The following TCF4 variants were observed in gnomAD, a reference collection of about 807,000 sequenced individuals.
TCF4 encodes transcription factor 4.
TCF4 carries 3 observed loss-of-function variants against 82.1 expected under a neutral mutation model. The observed-to-expected ratio is 0.04, with a 90% confidence interval of 0.02 to 0.09. The LOEUF (loss-of-function observed/expected upper bound fraction) is 0.09, where lower values mean the gene tolerates loss of function less well. Ranked by LOEUF, TCF4 falls within the 10% of genes least tolerant of loss-of-function variation. The pLI is 1.00. For missense variants in TCF4, 518 were observed against 852.7 expected, an observed-to-expected ratio of 0.61 and a Z score of 4.89; for synonymous variants, 276 against 309.6, an observed-to-expected ratio of 0.89 and a Z score of 1.14.
chr18:55,230,148 C>CAAAAAAA, intron 17 of TCF4: 1 of 103,288 alleles, frequency 9.7e-6, no homozygotes, highest in Non-Finnish European at 1.8e-5. Context: ...CTGTCTCTTA[C>CAAAAAAA]AAAAAAAAAA....
chr18:55,635,953 A>G, exon 1 of TCF4: 1 of 1,584,318 alleles, frequency 6.3e-7, no homozygotes, highest in East Asian at 2.3e-5. Flanking sequence ...GATACTGTAG[A>G]CATCAAGAGA....
At chr18:55,536,631 A>T (rs1399383382) in intron 3 of TCF4, among the ~76,000 whole-genome samples, 2 of 152,248 alleles carry the variant, frequency 1.3e-5, no homozygotes, top group African/African-American at 4.8e-5. Context: ...GCTGTATTCA[A>T]ACCATATTAT....
chr18:55,225,451 A>G lies in TCF4; in HGVS notation c.*2584T>C, dbSNP rs145683381. The stretch of plus-strand genomic sequence containing the variant: ...TCTTAAAATGTACATCAATGCAGGG[A>G]GTGTTTCCAGTTCCCTAAAGAGTAA... On this transcript the variant is annotated 3_prime_UTR_variant, in exon 20 of 20. Transcript: ENST00000354452. 1 of 152,688 alleles carries G rather than the reference A, an allele frequency of 6.5e-6. No individual in the cohort carries two copies. The highest frequency in any genetic ancestry group is 1.9e-4 in the East Asian group (1 of 5,190). The allele number at this position is 152,688 out of a possible 1,614,324, so 9.5% of individuals were successfully genotyped here.
chr18:55,566,009 G>A (rs1259998954), intron 3 of TCF4, among the ~76,000 whole-genome samples: 1 of 148,906 alleles, frequency 6.7e-6, no homozygotes, highest in African/African-American at 2.5e-5. Flanking sequence ...GACCATCCTG[G>A]CTAACACAGT....
At chr18:55,557,862 T>A (rs2097317953) in intron 3 of TCF4, among the ~76,000 whole-genome samples, 1 of 152,108 alleles carries the variant, frequency 6.6e-6, no homozygotes, top group African/African-American at 2.4e-5. Flanking sequence ...TAAACTGAAA[T>A]GACAGTTCAG....
rs1323217091 is a variant in TCF4 at position 55,430,429 on chromosome 18, T to C, written c.305-26911A>G. On this transcript the variant is annotated intron_variant, in intron 5 of 19. Coordinates refer to ENST00000354452, the MANE Select transcript of TCF4 (RefSeq NM_001083962.2). The stretch of plus-strand genomic sequence containing the variant: ...CAGCAAACTGGAAGAGGCAGATTTT[T>C]AGAGCACAAACAATTGCATTTGGGC... Among the ~76,000 whole-genome samples the C allele has an allele frequency of 3.3e-5, 5 of 152,362 alleles. No homozygotes were observed. The East Asian group carries it at 9.6e-4, about 29-fold the overall frequency.
chr18:55,226,368 G>T lies in TCF4; in HGVS notation c.*1667C>A, dbSNP rs1397562535. On this transcript the variant is annotated 3_prime_UTR_variant, in exon 20 of 20. Coordinates refer to ENST00000354452, the MANE Select transcript of TCF4 (RefSeq NM_001083962.2). ...GATGCTGACAAATACTTAACTAGGA[G>T]CACTATTTGTTTACTGCACTATACA... is the stretch of plus-strand genomic sequence containing the variant. 1 of 152,290 alleles carries T rather than the reference G, an allele frequency of 6.6e-6. No individual in the cohort carries two copies. Among genetic ancestry groups the T allele is most frequent in the African/African-American group, 2.4e-5 (1 of 41,350 alleles). 9.4% of individuals were successfully genotyped at this position (152,290 alleles called of 1,614,324 possible). A position where few individuals can be genotyped will look rare whatever the true frequency, so the allele number is the denominator to read the frequency against.
chr18:55,444,217 A>T (rs1297643111), intron 5 of TCF4, among the ~76,000 whole-genome samples: 1 of 152,208 alleles, frequency 6.6e-6, no homozygotes, highest in African/African-American at 2.4e-5. Flanking sequence ...AATTAATGTT[A>T]AAAACACTTA....
chr18:55,419,156 T>C (rs1022702270), intron 5 of TCF4, among the ~76,000 whole-genome samples: 16 of 152,202 alleles, frequency 1.1e-4, no homozygotes, highest in African/African-American at 3.6e-4. Flanking sequence ...TACACTGAGT[T>C]TTACACATAC....
intron 3 of TCF4, among the ~76,000 whole-genome samples, chr18:55,514,142 T>C (rs532054324): frequency 1.3e-5 from 2 of 152,252 alleles, no homozygotes; most frequent in African/African-American, 2.4e-5. Flanking sequence ...CTATCTTCCA[T>C]CTCTTCTCAG....
intron 15 of TCF4, among the ~76,000 whole-genome samples, chr18:55,240,904 T>G (rs953212159): frequency 6.6e-6 from 1 of 152,244 alleles, no homozygotes; most frequent in African/African-American, 2.4e-5. Flanking sequence ...CATAACTGTC[T>G]TGAGAACACC....
intron 6 of TCF4, among the ~76,000 whole-genome samples, chr18:55,399,321 G>C (rs2093668971): frequency 6.6e-6 from 1 of 152,024 alleles, no homozygotes; most frequent in Non-Finnish European, 1.5e-5. Flanking sequence ...TTTCCTCCCT[G>C]GTCTCCAAGT....
At chr18:55,580,623 TACA>T (rs1174380946) in intron 3 of TCF4, among the ~76,000 whole-genome samples, 1 of 152,018 alleles carries the variant, frequency 6.6e-6, no homozygotes, top group African/African-American at 2.4e-5. Context: ...TTGACATCAT[TACA>T]ACATTAGACA....
At chr18:55,524,267 G>A (rs1315419605) in intron 3 of TCF4, among the ~76,000 whole-genome samples, 2 of 151,548 alleles carry the variant, frequency 1.3e-5, no homozygotes, top group East Asian at 3.9e-4. Flanking sequence ...GTTACTATAT[G>A]GTATTCATTA....
intron 2 of TCF4, among the ~76,000 whole-genome samples, chr18:55,605,422 G>C (rs2097701349): frequency 6.6e-6 from 1 of 152,136 alleles, no homozygotes; most frequent in Non-Finnish European, 1.5e-5. Context: ...ATTGTGTGGT[G>C]GAGCAGAAAT....
At chr18:55,488,642 G>T (rs1456960384) in intron 3 of TCF4, among the ~76,000 whole-genome samples, 1 of 152,136 alleles carries the variant, frequency 6.6e-6, no homozygotes, top group African/African-American at 2.4e-5. Flanking sequence ...TTCCAATCCT[G>T]CATCCTCACA....
chr18:55,229,253 A>C, intron 17 of TCF4, 177 bp from the exon 18 acceptor site: 1 of 683,790 alleles, frequency 1.5e-6, no homozygotes, highest in Non-Finnish European at 2.6e-6. Context: ...GACAGTTCAC[A>C]ATACACAAGA....
At chr18:55,606,688 A>G (rs889479046) in intron 2 of TCF4, among the ~76,000 whole-genome samples, 2 of 152,190 alleles carry the variant, frequency 1.3e-5, no homozygotes, top group Admixed American at 1.3e-4. Context: ...CAAAACAAAA[A>G]CTAGATTAAA....
At chr18:55,302,558 A>C in intron 8 of TCF4, 1 of 1,535,358 alleles carries the variant, frequency 6.5e-7, no homozygotes, top group South Asian at 1.2e-5. Flanking sequence ...ACAAGGAGCA[A>C]GCAGGACCAC....
Sources: gnomAD v4.1 joint callset for allele counts (sites outside exome capture counted in the v4.1 genomes callset) on GRCh38, gnomAD v4.1.1 for gene constraint, MANE v1.5 for transcripts, NCBI Gene and HGNC (gene_info 2026-07-23, HGNC 2026-07-21) for gene names.